Variants in PIGG observed in about 807,000 individuals in gnomAD.
The protein encoded by PIGG is GPI ethanolamine phosphate transferase 2, catalytic subunit.
In PIGG, 70 loss-of-function variants were observed where a neutral mutation model predicts 83.2. That is an observed-to-expected ratio of 0.84 (90% CI 0.69 to 1.03). The LOEUF (loss-of-function observed/expected upper bound fraction) is 1.03, where lower values mean the gene tolerates loss of function less well. Among genes scored for constraint, PIGG ranks in the 50% least tolerant of loss-of-function variants. The pLI, the probability that PIGG is intolerant of heterozygous loss-of-function variation, is 0.00. For synonymous variants in PIGG, 532 were observed against 519.5 expected, an observed-to-expected ratio of 1.02 and a Z score of -0.33; for missense variants, 1,257 against 1,233.6, an observed-to-expected ratio of 1.02 and a Z score of -0.28.
chr4:501,138 T>C (rs1415102994), intron 2 of PIGG: 1 of 456,222 alleles, frequency 2.2e-6, no homozygotes. Flanking sequence ...AAGTACATAG[T>C]GCATTTCCCA....
intron 5 of PIGG, among the ~76,000 whole-genome samples, chr4:510,414 T>TGAA (rs1721510622): frequency 6.6e-6 from 1 of 152,218 alleles, no homozygotes; most frequent in South Asian, 2.1e-4. Context: ...AGGTGTTCCT[T>TGAA]ACCCTCATTC....
Position 539,392 on chromosome 4 carries a change from T to C in PIGG, c.*23T>C. 3.0e-6 allele frequency: 4 copies of C among 1,353,872 alleles called. No individual in the cohort carries two copies. Among genetic ancestry groups the C allele is most frequent in the Non-Finnish European group, 4.2e-6 (4 of 953,210 alleles). The allele number at this position is 1,353,872 out of a possible 1,614,324, so 83.9% of individuals were successfully genotyped here. A position where few individuals can be genotyped will look rare whatever the true frequency, so the allele number is the denominator to read the frequency against. Reference sequence around the variant, plus strand: ...TAGACTAAGCTGAACACTGGAAAAATAATACATGCTTAAAGTCTGCTGTTA... The same window carrying C: ...TAGACTAAGCTGAACACTGGAAAAACAATACATGCTTAAAGTCTGCTGTTA... On this transcript the variant is annotated 3_prime_UTR_variant, in exon 13 of 13. Transcript: ENST00000453061.
intron 6 of PIGG, 107 bp from the exon 7 acceptor site, chr4:520,949 G>A (rs1393828185): frequency 1.3e-6 from 1 of 765,668 alleles, no homozygotes; most frequent in Non-Finnish European, 2.2e-6. Flanking sequence ...TGTGAAAAGT[G>A]AAGGCTTTGC....
In PIGG at chr4:533,928, G is replaced by T; in HGVS notation, c.2682G>T (p.Gly894=). 6.2e-7 allele frequency: 1 copy of T among 1,614,192 alleles called. No homozygotes were observed. The highest frequency in any genetic ancestry group is 8.5e-7 in the Non-Finnish European group (1 of 1,180,024). The change falls in exon 12 of 13, where the codon GGG becomes GGT. Residue 894 remains glycine (G), a synonymous_variant. Coordinates refer to ENST00000453061, the MANE Select transcript of PIGG (RefSeq NM_001127178.3). ...TGACAGCGTTTGGGACGTACGCAGGGCCTGTGCTGTGGGCCAGCCACTTAG... is the reference window on the plus strand; with the variant it reads ...TGACAGCGTTTGGGACGTACGCAGGTCCTGTGCTGTGGGCCAGCCACTTAG... ...VLLTAFGTYA[G]PVLWASHLVH...
Position 507,529 on chromosome 4 carries a change from T to C in PIGG, c.695T>C (p.Ile232Thr), listed in dbSNP as rs782292653. The C allele has an allele frequency of 2.5e-6, 4 of 1,614,182 alleles. No homozygotes were observed. Among genetic ancestry groups the C allele is most frequent in the African/African-American group, 1.3e-5 (1 of 75,042 alleles). ...ATTTCAGGGCCCAACAGCCCCCTGATTGGGCAGAAGCTGAGCGAGATGGAC... is the reference window on the plus strand; with the variant it reads ...ATTTCAGGGCCCAACAGCCCCCTGACTGGGCAGAAGCTGAGCGAGATGGAC... ...GHISGPNSPL[I>T]GQKLSEMDSV... is the part of the protein sequence containing the mutation. The change falls in exon 4 of 13, where the codon ATT becomes ACT. Residue 232 changes from isoleucine to threonine, a missense_variant. Physicochemically the swap from Ile to Thr is moderately conservative, Grantham distance 89 (BLOSUM62 -1). Transcript: ENST00000453061.
intron 3 of PIGG, chr4:506,677 T>C: frequency 2.3e-6 from 1 of 430,330 alleles, no homozygotes. Flanking sequence ...ATGAGCTAGC[T>C]GAGGGGTCAG....
chr4:518,448 T>C (rs562212946), intron 6 of PIGG, among the ~76,000 whole-genome samples: 25 of 152,048 alleles, frequency 1.6e-4, no homozygotes, highest in East Asian at 1.4e-3. Context: ...AAAAAATTAG[T>C]TGGGCATGGT....
In PIGG at chr4:520,542, T is replaced by C. The variant is rs73794929; in HGVS notation, c.1115-514T>C. Among the ~76,000 whole-genome samples the C allele has an allele frequency of 6.9e-3, 1,042 of 151,912 alleles. 10 individuals carry two copies. The highest frequency in any genetic ancestry group is 0.024 in the African/African-American group (993 of 41,400). On this transcript the variant is annotated intron_variant, in intron 6 of 12. Transcript: ENST00000453061. ...GCTGCAGAACGGGGGACGTTAGAGG[T>C]CGGGAAGGGCCAGTCTGCACTGGGG...
Position 499,649 on chromosome 4 carries a change from C to T in PIGG, c.154+160C>T, listed in dbSNP as rs1045791562. ...ATTTTTTTTAACCGCTCCAGCGTCT[C>T]TTTTCTGTATTCTTACAACTTTGTG... On this transcript the variant is annotated intron_variant, in intron 1 of 12. Coordinates refer to ENST00000453061, the MANE Select transcript of PIGG (RefSeq NM_001127178.3). 2.2e-4 allele frequency: 307 copies of T among 1,419,194 alleles called. 1 individual carries two copies. Among genetic ancestry groups the T allele is most frequent in the Non-Finnish European group, 4.1e-5 (45 of 1,092,612 alleles). 87.9% of individuals were successfully genotyped at this position (1,419,194 alleles called of 1,614,324 possible). A position where few individuals can be genotyped will look rare whatever the true frequency, so the allele number is the denominator to read the frequency against.
Position 499,537 on chromosome 4 carries a change from TAGA to T in PIGG, c.154+52_154+54del, listed in dbSNP as rs1716772573. On this transcript the variant is annotated intron_variant, in intron 1 of 12. Transcript: ENST00000453061. ...TCCGCTCCCCTGACCCCACATCCCC[TAGA>T]AGACCTTTTTTCTGAGCCTCGCTGC... 3 of 1,519,872 alleles carry T rather than the reference TAGA, an allele frequency of 2.0e-6. No individual in the cohort carries two copies. In the East Asian group the frequency reaches 7.3e-5, roughly 37 times the overall value. The allele number at this position is 1,519,872 out of a possible 1,614,324, so 94.1% of individuals were successfully genotyped here.
chr4:510,934 C>T (rs760064402), intron 5 of PIGG, among the ~76,000 whole-genome samples: 7 of 151,962 alleles, frequency 4.6e-5, no homozygotes, highest in Non-Finnish European at 8.8e-5. Flanking sequence ...CATATGGTCT[C>T]GTGTGCCTGG....
At chr4:532,007 C>T (rs1336697849) in intron 11 of PIGG, 1 of 152,474 alleles carries the variant, frequency 6.6e-6, no homozygotes, top group Non-Finnish European at 1.5e-5. Context: ...CCCGTGGCCC[C>T]TGTTTTGAGG....
At chr4:538,030 C>G (rs908245996) in intron 12 of PIGG, among the ~76,000 whole-genome samples, 2 of 150,608 alleles carry the variant, frequency 1.3e-5, no homozygotes, top group Non-Finnish European at 3.0e-5. Flanking sequence ...CTGAGGAGCC[C>G]TTTACAGGAC....
chr4:506,121 G>GT (rs1464720932), intron 3 of PIGG, among the ~76,000 whole-genome samples, 194 bp downstream of exon 3: 1 of 152,102 alleles, frequency 6.6e-6, no homozygotes, highest in African/African-American at 2.4e-5. Context: ...CCTGAAGCAG[G>GT]TGTGAGCAGA....
At position 530,759 on chromosome 4, in the gene PIGG, A is replaced by G. The variant is rs1288161294; in HGVS notation, c.2571+14A>G. On this transcript the variant is annotated intron_variant, in intron 11 of 12. Transcript: ENST00000453061. ...TTCTATTTTCAGGTAGGTTTTCATT[A>G]TTATCATGGGTAGTAGACTTCATGT... 2 of 1,528,604 alleles carry G rather than the reference A, an allele frequency of 1.3e-6. No individual in the cohort carries two copies. The highest frequency in any genetic ancestry group is 1.8e-6 in the Non-Finnish European group (2 of 1,105,266). 94.7% of individuals were successfully genotyped at this position (1,528,604 alleles called of 1,614,324 possible).
intron 11 of PIGG, 78 bp downstream of exon 11, chr4:530,823 TC>T: frequency 2.0e-6 from 2 of 1,023,416 alleles, no homozygotes; most frequent in Non-Finnish European, 2.9e-6. Flanking sequence ...GAGAAAATGT[TC>T]CCATAAGTTG....
At chr4:535,715 C>T (rs1433546949) in intron 12 of PIGG, among the ~76,000 whole-genome samples, 3 of 151,956 alleles carry the variant, frequency 2.0e-5, no homozygotes, top group Non-Finnish European at 2.9e-5. Flanking sequence ...CTTCTCCTGC[C>T]GAGCTGCCGG....
At position 534,776 on chromosome 4, in the gene PIGG, G is replaced by A. The variant is rs145966405; in HGVS notation, c.2735+795G>A. On this transcript the variant is annotated intron_variant, in intron 12 of 12. Transcript: ENST00000453061. ...CATCCCCATCTCCTGGCAGCTTTGT[G>A]CAGATGTCCCCGGGGGATCCCAGAT... 6.3e-3 allele frequency among the ~76,000 whole-genome samples: 960 copies of A among 152,160 alleles called. 8 individuals are homozygous for A. Among genetic ancestry groups the A allele is most frequent in the African/African-American group, 0.022 (900 of 41,498 alleles).
chr4:511,295 T>TAAAA (rs537741053), intron 5 of PIGG, among the ~76,000 whole-genome samples: 35 of 142,856 alleles, frequency 2.5e-4, no homozygotes, highest in African/African-American at 9.0e-4. Context: ...CTCCCCATCT[T>TAAAA]TAAAAAAAAA....
Sources: gnomAD v4.1 joint callset for allele counts (sites outside exome capture counted in the v4.1 genomes callset) on GRCh38, gnomAD v4.1.1 for gene constraint, MANE v1.5 for transcripts, NCBI Gene and HGNC (gene_info 2026-07-23, HGNC 2026-07-21) for gene names.